The following NYNRIN variants were observed in gnomAD, a reference collection of about 807,000 sequenced individuals.
The protein encoded by NYNRIN is NYN domain and retroviral integrase containing, also known as protein NYNRIN.
A neutral mutation model predicts 146.6 loss-of-function variants in NYNRIN; 86 were observed. The observed-to-expected ratio is 0.59, with a 90% CI of 0.49 to 0.70. The LOEUF (loss-of-function observed/expected upper bound fraction) is 0.70, where lower values mean the gene tolerates loss of function less well. NYNRIN is among the 30% of genes least tolerant of loss of function. The pLI, the probability that NYNRIN is intolerant of heterozygous loss-of-function variation, is 0.00. For missense variants in NYNRIN, 2,191 were observed against 2,377.7 expected (o/e 0.92, Z 1.63); for synonymous variants, 1,027 against 1,001.3 (o/e 1.03, Z -0.48).
Position 24,414,825 on chromosome 14 carries a change from G to T in NYNRIN, c.3076G>T (p.Val1026Leu). ...EDDLDSSLAS[V>L]FRVECPSLSE... is the part of the protein sequence containing the mutation. ...CGACCTTGACTCTTCGCTGGCGTCAGTGTTCAGGGTGGAGTGCCCGTCCCT... is the reference window on the plus strand; with the variant it reads ...CGACCTTGACTCTTCGCTGGCGTCATTGTTCAGGGTGGAGTGCCCGTCCCT... The change falls in exon 9 of 9, where the codon GTG becomes TTG. Residue 1026 changes from valine (V) to leucine (L), a missense_variant. By Grantham distance (32) the Val-to-Leu change is conservative (BLOSUM62 1). Coordinates refer to ENST00000382554, the MANE Select transcript of NYNRIN (RefSeq NM_025081.3). 6.2e-7 allele frequency: 1 copy of T among 1,613,540 alleles called. No homozygotes were observed. Among genetic ancestry groups the T allele is most frequent in the South Asian group, 1.1e-5 (1 of 91,050 alleles).
In NYNRIN at chr14:24,414,690, G is replaced by A. The variant is rs201369368; in HGVS notation, c.2941G>A (p.Gly981Arg). The change falls in exon 9 of 9, where the codon GGG (glycine) becomes AGG (arginine). Residue 981 changes from glycine to arginine, a missense_variant. Gly to Arg is a moderately radical substitution (Grantham distance 125). Transcript: ENST00000382554. The part of the protein sequence containing the change: ...VTELSDDADS[G>R]PLESLPNMEE... ...TGAGCTGAGTGATGACGCTGACTCT[G>A]GGCCCCTGGAGAGTCTGCCGAATAT... The A allele has an allele frequency of 3.1e-4, 500 of 1,613,622 alleles. 3 individuals are homozygous for A. The highest frequency in any genetic ancestry group is 2.2e-5 in the Non-Finnish European group (26 of 1,179,724).
Position 24,417,499 on chromosome 14 carries a change from G to A in NYNRIN, c.*53G>A. On this transcript the variant is annotated 3_prime_UTR_variant, in exon 9 of 9. Transcript: ENST00000382554. ...CCAGGGCCGTGGGTTTCTGCTGCTA[G>A]GCCTCCCCCTGTCCCAGCAGTGCTC... The A allele has an allele frequency of 3.5e-6, 5 of 1,433,672 alleles. No homozygotes were observed. The highest frequency in any genetic ancestry group is 1.4e-5 in the African/African-American group (1 of 69,780). The allele number at this position is 1,433,672 out of a possible 1,614,324, so 88.8% of individuals were successfully genotyped here.
Position 24,415,556 on chromosome 14 carries a change from C to T in NYNRIN, c.3807C>T (p.Ala1269=), listed in dbSNP as rs758130981. The T allele has an allele frequency of 2.5e-6, 4 of 1,613,868 alleles. No homozygotes were observed. The South Asian group carries it at 4.4e-5, about 18-fold the overall frequency. ...TGGTTCAGGACAAAGGCAAGAGGGC[C>T]CTGGAATTGGCCCTCCTCCAGGGCC... ...SLLVQDKGKR[A]LELALLQGLL... Residue 1269 remains alanine, a synonymous_variant, in exon 9 of 9, where the codon GCC becomes GCT. Coordinates refer to ENST00000382554, the MANE Select transcript of NYNRIN (RefSeq NM_025081.3).
At chr14:24,400,345 C>T (rs999828175) in intron 2 of NYNRIN, among the ~76,000 whole-genome samples, 1 of 152,242 alleles carries the variant, frequency 6.6e-6, no homozygotes, top group Non-Finnish European at 1.5e-5. Flanking sequence ...AGGTTTACCT[C>T]TTCCCTTAGA....
Position 24,417,801 on chromosome 14 carries a change from C to T in NYNRIN, c.*355C>T, listed in dbSNP as rs1051614807. 13 of 229,818 alleles carry T rather than the reference C, an allele frequency of 5.7e-5. No homozygotes were observed. The highest frequency in any genetic ancestry group is 2.0e-4 in the Admixed American group (4 of 19,722). 14.2% of individuals were successfully genotyped at this position (229,818 alleles called of 1,614,324 possible). A position where few individuals can be genotyped will look rare whatever the true frequency, so the allele number is the denominator to read the frequency against. On this transcript the variant is annotated 3_prime_UTR_variant, in exon 9 of 9. Coordinates refer to ENST00000382554, the MANE Select transcript of NYNRIN (RefSeq NM_025081.3). ...GTGTGGTGGTGTGCACACACACTCACGAAAGAATCTATCTTGGCCATGAAA... is the reference window on the plus strand; with the variant it reads ...GTGTGGTGGTGTGCACACACACTCATGAAAGAATCTATCTTGGCCATGAAA...
In NYNRIN at chr14:24,415,104, C is replaced by A; in HGVS notation, c.3355C>A (p.His1119Asn). The A allele has an allele frequency of 1.2e-6, 2 of 1,608,758 alleles. No homozygotes were observed. Among genetic ancestry groups the A allele is most frequent in the Non-Finnish European group, 1.7e-6 (2 of 1,179,686 alleles). ...CTATGAAGCCCTAGTGGGCCCCCTG[C>A]ACAGCCTCCTCAAGCAGAAGCCTGA... is the stretch of plus-strand genomic sequence containing the variant. ...PDYEALVGPL[H>N]SLLKQKPDWQ... The change falls in exon 9 of 9, where the codon CAC (histidine) becomes AAC (asparagine). Residue 1119 changes from histidine to asparagine, a missense_variant. Physicochemically the swap from His to Asn is moderately conservative, Grantham distance 68. Transcript: ENST00000382554.
Position 24,408,261 on chromosome 14 carries a change from G to A in NYNRIN, c.591G>A (p.Ala197=), listed in dbSNP as rs367849321. Residue 197 remains alanine, a synonymous_variant, in exon 3 of 9, where the codon GCG becomes GCA. Coordinates refer to ENST00000382554, the MANE Select transcript of NYNRIN (RefSeq NM_025081.3). ...ELLLSLVRDA[A]GKEDIIEWLS... ...TGCTGAGCCTGGTGCGGGATGCTGC[G>A]GGCAAGGAAGACATCATCGAGTGGC... 1,190 of 1,610,360 alleles carry A rather than the reference G, an allele frequency of 7.4e-4. 2 individuals are homozygous for A. The highest frequency in any genetic ancestry group is 9.6e-4 in the Non-Finnish European group (1,132 of 1,179,792).
In NYNRIN at chr14:24,415,840, G is replaced by A. The variant is rs760361213; in HGVS notation, c.4091G>A (p.Arg1364His). Residue 1364 changes from arginine (R) to histidine (H), a missense_variant, in exon 9 of 9, where the codon CGC becomes CAC. Arg to His is a conservative substitution (Grantham distance 29). Around this residue, in one of 3 missense-constraint regions of NYNRIN, gnomAD observed 1,291 missense variants for 1,417.0 expected, o/e 0.91. Coordinates refer to ENST00000382554, the MANE Select transcript of NYNRIN (RefSeq NM_025081.3). The part of the protein sequence containing the change: ...HLAAVACGLE[R>H]FGQSPLPVVF... ...GCAGCCGTGGCCTGCGGCCTGGAGC[G>A]CTTTGGCCAGTCCCCACTCCCAGTG... 22 of 1,613,922 alleles carry A rather than the reference G, an allele frequency of 1.4e-5. No homozygotes were observed. Among genetic ancestry groups the A allele is most frequent in the South Asian group, 5.5e-5 (5 of 91,082 alleles).
intron 2 of NYNRIN, among the ~76,000 whole-genome samples, chr14:24,402,973 ATATG>A (rs1299318330): frequency 6.6e-6 from 1 of 152,212 alleles, no homozygotes; most frequent in African/African-American, 2.4e-5. Flanking sequence ...TTCTAAAAGA[ATATG>A]TAGACACTAT....
At position 24,415,704 on chromosome 14, in the gene NYNRIN, C is replaced by G; in HGVS notation, c.3955C>G (p.Arg1319Gly). The change falls in exon 9 of 9, where the codon CGT becomes GGT. Residue 1319 changes from arginine to glycine, a missense_variant. Arg to Gly is a moderately radical substitution (Grantham distance 125). Around this residue, in one of 3 missense-constraint regions of NYNRIN, gnomAD observed 1,291 missense variants for 1,417.0 expected, o/e 0.91. Coordinates refer to ENST00000382554, the MANE Select transcript of NYNRIN (RefSeq NM_025081.3). ...CIHMSGYCFY[R>G]EDEWCAGFGL... is the part of the protein sequence containing the mutation. ...CCACATGTCGGGCTACTGCTTCTAC[C>G]GTGAGGATGAGTGGTGTGCTGGCTT... The G allele has an allele frequency of 6.2e-7, 1 of 1,613,936 alleles. No homozygotes were observed. The highest frequency in any genetic ancestry group is 8.5e-7 in the Non-Finnish European group (1 of 1,179,860).
rs2042960349 is a variant in NYNRIN at position 24,418,004 on chromosome 14, TTCTC to T, written c.*559_*562del. 3.5e-6 allele frequency: 1 copy of T among 286,808 alleles called. No individual in the cohort carries two copies. Among genetic ancestry groups the T allele is most frequent in the African/African-American group, 2.3e-5 (1 of 43,160 alleles). The allele number at this position is 286,808 out of a possible 1,614,324, so 17.8% of individuals were successfully genotyped here. A position where few individuals can be genotyped will look rare whatever the true frequency, so the allele number is the denominator to read the frequency against. The stretch of plus-strand genomic sequence containing the variant: ...CTGCCTCCTAGCCTCACGGTCAGCT[TTCTC>T]AAGCCAGGTGTGGCCTGCACAGCTC... On this transcript the variant is annotated 3_prime_UTR_variant, in exon 9 of 9. Coordinates refer to ENST00000382554, the MANE Select transcript of NYNRIN (RefSeq NM_025081.3).
Position 24,416,293 on chromosome 14 carries a change from G to T in NYNRIN, c.4544G>T (p.Ser1515Ile). The T allele has an allele frequency of 1.2e-6, 2 of 1,613,888 alleles. No homozygotes were observed. Among genetic ancestry groups the T allele is most frequent in the Non-Finnish European group, 1.7e-6 (2 of 1,179,848 alleles). Reference protein sequence around the residue: ...SPFSSAFNSLSLDKESGLLMF... With the variant: ...SPFSSAFNSLILDKESGLLMF... ...TTTAGTTCTGCCTTTAACTCACTCA[G>T]CCTCGACAAGGAGAGTGGCCTGCTT... The change falls in exon 9 of 9, where the codon AGC (serine) becomes ATC (isoleucine). Residue 1515 changes from serine to isoleucine, a missense_variant. By Grantham distance (142) the Ser-to-Ile change is moderately radical. Transcript: ENST00000382554.
chr14:24,404,583 A>G (rs998329908), intron 2 of NYNRIN, among the ~76,000 whole-genome samples: 3 of 152,164 alleles, frequency 2.0e-5, no homozygotes, highest in African/African-American at 2.4e-5. Flanking sequence ...TAATCCTTGC[A>G]TGATAAAGAG....
Position 24,409,125 on chromosome 14 carries a change from T to G in NYNRIN, c.1331T>G (p.Leu444Arg). 6.2e-7 allele frequency: 1 copy of G among 1,613,860 alleles called. No individual in the cohort carries two copies. Among genetic ancestry groups the G allele is most frequent in the Non-Finnish European group, 8.5e-7 (1 of 1,179,862 alleles). The change falls in exon 4 of 9, where the codon CTG becomes CGG. Residue 444 changes from leucine to arginine, a missense_variant. Physicochemically the swap from Leu to Arg is moderately radical, Grantham distance 102. Transcript: ENST00000382554. The stretch of plus-strand genomic sequence containing the variant: ...GGGGGGCTGGGAGGAGAAGCAGCCC[T>G]GCAGAATTGCCCAAGGCCAGAGATT... The part of the protein sequence containing the change: ...PDGGLGGEAA[L>R]QNCPRPEISP...
At position 24,414,890 on chromosome 14, in the gene NYNRIN, C is replaced by T. The variant is rs765918815; in HGVS notation, c.3141C>T (p.Pro1047=). The T allele has an allele frequency of 6.2e-7, 1 of 1,608,988 alleles. No homozygotes were observed. The highest frequency in any genetic ancestry group is 1.1e-5 in the South Asian group (1 of 90,914). The part of the protein sequence containing the change: ...EILRCLSLHD[P]PDGALDIDLL... ...TGCGGTGCCTCAGCCTCCATGATCC[C>T]CCTGATGGGGCCCTGGACATCGACC... The change falls in exon 9 of 9, where the codon CCC becomes CCT. Residue 1047 remains proline, a synonymous_variant. Transcript: ENST00000382554.
In NYNRIN at chr14:24,414,863, C is replaced by A. The variant is rs372328828; in HGVS notation, c.3114C>A (p.Ile1038=). Residue 1038 remains isoleucine (I), a synonymous_variant, in exon 9 of 9, where the codon ATC becomes ATA. Coordinates refer to ENST00000382554, the MANE Select transcript of NYNRIN (RefSeq NM_025081.3). Reference sequence around the variant, plus strand: ...AGTGCCCGTCCCTTTCGGAGGAGATCCTGCGGTGCCTCAGCCTCCATGATC... The same window carrying A: ...AGTGCCCGTCCCTTTCGGAGGAGATACTGCGGTGCCTCAGCCTCCATGATC... ...RVECPSLSEE[I]LRCLSLHDPP... The A allele has an allele frequency of 1.9e-6, 3 of 1,610,624 alleles. No homozygotes were observed. The highest frequency in any genetic ancestry group is 8.5e-7 in the Non-Finnish European group (1 of 1,177,408).
rs758361461 is a variant in NYNRIN at position 24,413,393 on chromosome 14, A to T, written c.2822A>T (p.Asp941Val). 18 of 1,612,656 alleles carry T rather than the reference A, an allele frequency of 1.1e-5. No individual in the cohort carries two copies. Among genetic ancestry groups the T allele is most frequent in the East Asian group, 2.2e-5 (1 of 44,878 alleles). The change falls in exon 8 of 9, where the codon GAT becomes GTT. Residue 941 changes from aspartate (D) to valine (V), a missense_variant. By Grantham distance (152) the Asp-to-Val change is radical. Transcript: ENST00000382554. ...CTGGGCCGTGATGGCCCCACCTTGG[A>T]TGAGTTTCTGAAGAAGCCAAACAGG... ...DPLGRDGPTL[D>V]EFLKKPNRLD...
Position 24,411,519 on chromosome 14 carries a change from T to C in NYNRIN, c.2642+69T>C. 2 of 1,333,676 alleles carry C rather than the reference T, an allele frequency of 1.5e-6. No individual in the cohort carries two copies. Among genetic ancestry groups the C allele is most frequent in the Admixed American group, 3.5e-5 (2 of 57,602 alleles). The allele number at this position is 1,333,676 out of a possible 1,614,324, so 82.6% of individuals were successfully genotyped here. A position where few individuals can be genotyped will look rare whatever the true frequency, so the allele number is the denominator to read the frequency against. On this transcript the variant is annotated intron_variant, in intron 6 of 8. Transcript: ENST00000382554. This position sits in a 1 kb window ranked among gnomAD's most constrained non-coding sequence, Gnocchi z 4.3. Reference sequence around the variant, plus strand: ...GGCCTGGCTGGTGTGTCAGGTGGAGTCCGGCCTGTCTTCTCTGGGGAAATG... The same window carrying C: ...GGCCTGGCTGGTGTGTCAGGTGGAGCCCGGCCTGTCTTCTCTGGGGAAATG...
At position 24,409,709 on chromosome 14, in the gene NYNRIN, G is replaced by A; in HGVS notation, c.1915G>A (p.Gly639Ser). The A allele has an allele frequency of 6.2e-7, 1 of 1,606,534 alleles. No homozygotes were observed. The highest frequency in any genetic ancestry group is 8.5e-7 in the Non-Finnish European group (1 of 1,176,450). Residue 639 changes from glycine (G) to serine (S), a missense_variant, in exon 4 of 9, where the codon GGT becomes AGT. Gly to Ser is a moderately conservative substitution (Grantham distance 56). Around this residue, in one of 3 missense-constraint regions of NYNRIN, gnomAD observed 895 missense variants for 941.2 expected, o/e 0.95. Coordinates refer to ENST00000382554, the MANE Select transcript of NYNRIN (RefSeq NM_025081.3). ...GCCTGTAGCAAAAACATCACCTGCA[G>A]GTCCCAAAACACCCAAAGCTCAAGC... ...KMPVAKTSPA[G>S]PKTPKAQAGP...
Sources: allele counts gnomAD v4.1 joint callset (sites outside exome capture counted in the v4.1 genomes callset), GRCh38; gene constraint gnomAD v4.1.1; regional missense constraint gnomAD v4.1.1; non-coding constraint Gnocchi (gnomAD v3.1); transcripts MANE v1.5; gene names NCBI Gene and HGNC (gene_info 2026-07-23, HGNC 2026-07-21).